The following DLG2 variants were observed in gnomAD, a reference collection of about 807,000 sequenced individuals.
DLG2 encodes disks large homolog 2.
A neutral mutation model predicts 132.5 loss-of-function variants in DLG2; 45 were observed. The ratio of observed to expected loss-of-function variants is 0.34; its 90% CI spans 0.27 to 0.44. The LOEUF (loss-of-function observed/expected upper bound fraction) is 0.44. Among genes scored for constraint, DLG2 ranks in the 20% least tolerant of loss-of-function variants. The pLI is 1.00. For synonymous variants in DLG2, 424 were observed against 419.6 expected, an observed-to-expected ratio of 1.01 and a Z score of -0.13; for missense variants, 1,045 against 1,196.9, an observed-to-expected ratio of 0.87 and a Z score of 1.87.
chr11:84,522,626 C>T (rs1164172653), intron 7 of DLG2, among the ~76,000 whole-genome samples: 1 of 152,194 alleles, frequency 6.6e-6, no homozygotes, highest in African/African-American at 2.4e-5. Context: ...TAGACACTGG[C>T]AATTCCTCTC....
intron 4 of DLG2, among the ~76,000 whole-genome samples, chr11:85,156,607 A>T (rs939906159): frequency 1.3e-5 from 2 of 152,174 alleles, no homozygotes; most frequent in African/African-American, 4.8e-5. Context: ...ATCTGACTGT[A>T]TCTCTCATGT....
intron 6 of DLG2, among the ~76,000 whole-genome samples, chr11:84,746,251 G>GAAAAAAAAAAAAAAAAAAAAAA (rs369130410): frequency 2.2e-5 from 2 of 91,002 alleles, no homozygotes; most frequent in African/African-American, 4.0e-5. Flanking sequence ...GATATGAAAA[G>GAAAAAAAAAAAAAAAAAAAAAA]AAAAAAAAAA....
chr11:85,438,971 C>T (rs145327856), intron 3 of DLG2, among the ~76,000 whole-genome samples: 68 of 152,248 alleles, frequency 4.5e-4, no homozygotes, highest in Admixed American at 2.5e-3. Context: ...GCTTTTTCTA[C>T]GCAGCATAAT....
At chr11:85,134,191 A>G (rs2075967845) in intron 5 of DLG2, among the ~76,000 whole-genome samples, 1 of 151,988 alleles carries the variant, frequency 6.6e-6, no homozygotes, top group African/African-American at 2.4e-5. Flanking sequence ...CTAGGGACCC[A>G]TACACTTTAT....
chr11:84,625,064 T>G (rs1005640208), intron 6 of DLG2, among the ~76,000 whole-genome samples: 1 of 150,546 alleles, frequency 6.6e-6, no homozygotes, highest in African/African-American at 2.5e-5. Context: ...GTTTCACCGT[T>G]TTAGCCGGGA....
chr11:85,200,532 GC>G (rs1257017133), intron 4 of DLG2, among the ~76,000 whole-genome samples: 2 of 152,190 alleles, frequency 1.3e-5, no homozygotes, highest in Admixed American at 6.5e-5. Context: ...CTCAGCATCA[GC>G]CCCTTGCATT....
In DLG2 at chr11:83,459,805, C is replaced by T. The variant is rs369459076; in HGVS notation, c.*13G>A. On this transcript the variant is annotated 3_prime_UTR_variant, in exon 28 of 28. Transcript: ENST00000376104. ...AATGCTCTTCTGTCGTTGTCAGAGGCGCAGTAGCTAATTTATAACTTTTCC... is the reference window on the plus strand; with the variant it reads ...AATGCTCTTCTGTCGTTGTCAGAGGTGCAGTAGCTAATTTATAACTTTTCC... 78 of 1,414,870 alleles carry T rather than the reference C, an allele frequency of 5.5e-5. No individual in the cohort carries two copies. The highest frequency in any genetic ancestry group is 1.8e-4 in the African/African-American group (13 of 70,792). 87.6% of individuals were successfully genotyped at this position (1,414,870 alleles called of 1,614,324 possible). A position where few individuals can be genotyped will look rare whatever the true frequency, so the allele number is the denominator to read the frequency against.
At chr11:85,474,116 G>A (rs1319359661) in intron 3 of DLG2, among the ~76,000 whole-genome samples, 3 of 151,952 alleles carry the variant, frequency 2.0e-5, no homozygotes, top group Non-Finnish European at 2.9e-5. Flanking sequence ...CAGTAAAAGT[G>A]TGAAAATGAT....
At chr11:83,760,496 AG>A (rs2093854431) in intron 18 of DLG2, among the ~76,000 whole-genome samples, 1 of 151,314 alleles carries the variant, frequency 6.6e-6, no homozygotes, top group Non-Finnish European at 1.5e-5. Context: ...CTGGGATTAC[AG>A]GTGCCTGCCA....
chr11:84,015,066 G>C (rs1468748610), intron 11 of DLG2, among the ~76,000 whole-genome samples: 1 of 152,032 alleles, frequency 6.6e-6, no homozygotes, highest in Admixed American at 6.6e-5. Context: ...TTGTAGAATA[G>C]CATTCATTAT....
intron 9 of DLG2, among the ~76,000 whole-genome samples, chr11:84,109,000 T>G (rs1278114362): frequency 6.6e-6 from 1 of 151,940 alleles, no homozygotes; most frequent in Non-Finnish European, 1.5e-5. Flanking sequence ...AAGACTGTGG[T>G]GAGGATGAGG....
intron 3 of DLG2, among the ~76,000 whole-genome samples, chr11:85,392,779 T>C (rs1286323308): frequency 1.3e-5 from 2 of 152,118 alleles, no homozygotes; most frequent in Non-Finnish European, 2.9e-5. Flanking sequence ...TGTGGAAGAA[T>C]GAAACTGGAT....
chr11:85,047,635 CTGGGCT>C (rs2062472577), intron 6 of DLG2, among the ~76,000 whole-genome samples: 2 of 151,744 alleles, frequency 1.3e-5, no homozygotes, highest in South Asian at 4.1e-4. Context: ...ACTCATACCT[CTGGGCT>C]ATTAAAATAA....
At chr11:85,271,384 C>A (rs1026672897) in intron 4 of DLG2, among the ~76,000 whole-genome samples, 2 of 152,242 alleles carry the variant, frequency 1.3e-5, no homozygotes, top group African/African-American at 4.8e-5. Flanking sequence ...CATGCAGAAC[C>A]TCTGTTAGGG....
chr11:84,297,311 A>T (rs1364296322), intron 7 of DLG2, among the ~76,000 whole-genome samples: 1 of 152,142 alleles, frequency 6.6e-6, no homozygotes, highest in East Asian at 1.9e-4. Context: ...GATGAGAAGG[A>T]GTGTGAACAT....
chr11:85,120,558 T>G (rs1335586395), intron 5 of DLG2, among the ~76,000 whole-genome samples: 6 of 152,094 alleles, frequency 3.9e-5, no homozygotes, highest in African/African-American at 1.4e-4. Context: ...GAAATTATCC[T>G]TGTAATGTCC....
At chr11:85,174,294 A>G (rs180878905) in intron 4 of DLG2, among the ~76,000 whole-genome samples, 40 of 152,352 alleles carry the variant, frequency 2.6e-4, no homozygotes, top group Non-Finnish European at 4.4e-5. Flanking sequence ...GCACACTCAA[A>G]TTAGAGCTCA....
chr11:84,610,661 T>C lies in DLG2; in HGVS notation c.358-75930A>G, dbSNP rs1225621087. ...TGGCCTCCAGGACCTGTTGACAGTG[T>C]CCTTGCCCTCCTCACTTTTCCTTCC... is the stretch of plus-strand genomic sequence containing the variant. On this transcript the variant is annotated intron_variant, in intron 6 of 27. Coordinates refer to ENST00000376104, the MANE Select transcript of DLG2 (RefSeq NM_001142699.3). 5.3e-5 allele frequency among the ~76,000 whole-genome samples: 8 copies of C among 152,242 alleles called. No homozygotes were observed. The East Asian group carries it at 1.5e-3, about 29-fold the overall frequency.
intron 19 of DLG2, among the ~76,000 whole-genome samples, chr11:83,575,004 A>T (rs1361858095): frequency 1.3e-5 from 2 of 152,216 alleles, no homozygotes; most frequent in East Asian, 3.9e-4. Flanking sequence ...ATATTCTAAG[A>T]CTTGCCTAAG....
Sources: allele counts gnomAD v4.1 joint callset (sites outside exome capture counted in the v4.1 genomes callset), GRCh38; gene constraint gnomAD v4.1.1; transcripts MANE v1.5; gene names NCBI Gene and HGNC (gene_info 2026-07-23, HGNC 2026-07-21).